RCL1: variants seen among roughly 807,000 people sequenced by gnomAD.
RCL1 encodes RNA terminal phosphate cyclase like 1, also known as RNA 3'-terminal phosphate cyclase-like protein.
Under a neutral mutation model 42.4 loss-of-function variants are expected in RCL1, and 24 were observed. That is an observed-to-expected ratio of 0.57 (90% confidence interval 0.41 to 0.80). The LOEUF (loss-of-function observed/expected upper bound fraction) is 0.80, where lower values mean the gene tolerates loss of function less well. RCL1 is among the 30% of genes least tolerant of loss of function. RCL1 has a pLI of 0.00. For synonymous variants in RCL1, 228 were observed against 177.3 expected (o/e 1.29, Z -2.27); for missense variants, 578 against 467.9 (o/e 1.24, Z -2.17).
At chr9:4,805,624 T>C (rs958193945) in intron 1 of RCL1, among the ~76,000 whole-genome samples, 3 of 152,194 alleles carry the variant, frequency 2.0e-5, no homozygotes, top group African/African-American at 7.2e-5. Flanking sequence ...AGTTCCCTCA[T>C]GCTATGGGCA....
intron 1 of RCL1, among the ~76,000 whole-genome samples, chr9:4,810,344 C>T (rs1164422909): frequency 1.3e-5 from 2 of 152,074 alleles, no homozygotes; most frequent in Non-Finnish European, 2.9e-5. Flanking sequence ...CACACCATTC[C>T]CTCCCACTGC....
At chr9:4,853,777 C>G (rs539599092) in intron 8 of RCL1, among the ~76,000 whole-genome samples, 2 of 148,850 alleles carry the variant, frequency 1.3e-5, no homozygotes, top group Admixed American at 6.8e-5. Flanking sequence ...AGTTGGAAAT[C>G]TAAAATAAAC....
chr9:4,829,381 C>G (rs1048206435), intron 3 of RCL1, among the ~76,000 whole-genome samples: 1 of 152,162 alleles, frequency 6.6e-6, no homozygotes, highest in African/African-American at 2.4e-5. Context: ...TTCATGATTT[C>G]TGTCCTGGTT....
chr9:4,797,874 C>A (rs1842938583), intron 1 of RCL1, among the ~76,000 whole-genome samples: 1 of 152,126 alleles, frequency 6.6e-6, no homozygotes, highest in African/African-American at 2.4e-5. Context: ...GGAATCTGAA[C>A]CCCAAAGAAG....
chr9:4,860,002 A>G, intron 8 of RCL1, 123 bp from the exon 9 acceptor site: 2 of 604,494 alleles, frequency 3.3e-6, no homozygotes, highest in Non-Finnish European at 2.7e-6. Context: ...AGATTCGATG[A>G]GAAGGTCTTA....
In RCL1 at chr9:4,806,587, T is replaced by TACACACACAC. The variant is rs71326137; in HGVS notation, c.136+13398_136+13407dup. On this transcript the variant is annotated intron_variant, in intron 1 of 8. Coordinates refer to ENST00000381750, the MANE Select transcript of RCL1 (RefSeq NM_005772.5). ...TTCCTGGAATAGATTCTACTTGATC[T>TACACACACAC]ACACACACACACACACACACACACA... Among the ~76,000 whole-genome samples the TACACACACAC allele has an allele frequency of 2.4e-3, 326 of 135,758 alleles. 1 individual carries two copies. Among genetic ancestry groups the TACACACACAC allele is most frequent in the African/African-American group, 8.2e-3 (290 of 35,386 alleles). 89.1% of individuals were successfully genotyped at this position (135,758 alleles called of 152,430 possible).
At chr9:4,806,633 C>CAGAT (rs869274587) in intron 1 of RCL1, among the ~76,000 whole-genome samples, 1 of 140,970 alleles carries the variant, frequency 7.1e-6, no homozygotes, top group African/African-American at 2.6e-5. Flanking sequence ...CACACACACA[C>CAGAT]ATATACTTAC....
intron 3 of RCL1, among the ~76,000 whole-genome samples, chr9:4,832,805 C>CAAAAA (rs34915834): frequency 2.0e-4 from 8 of 39,284 alleles, no homozygotes; most frequent in African/African-American, 3.0e-4. Context: ...AGATTCCACT[C>CAAAAA]AAAAAAAAAA....
At chr9:4,839,112 G>A (rs1817231123) in intron 5 of RCL1, among the ~76,000 whole-genome samples, 1 of 152,178 alleles carries the variant, frequency 6.6e-6, no homozygotes. Context: ...GAACTTGGGG[G>A]CTGTTAGCCA....
intron 2 of RCL1, among the ~76,000 whole-genome samples, chr9:4,825,037 C>T (rs1205480758): frequency 6.6e-6 from 1 of 151,926 alleles, no homozygotes; most frequent in African/African-American, 2.4e-5. Flanking sequence ...TTAGCCTCCC[C>T]AGTAGCTGGG....
chr9:4,831,103 G>T (rs992267329), intron 3 of RCL1, among the ~76,000 whole-genome samples: 1 of 152,194 alleles, frequency 6.6e-6, no homozygotes, highest in African/African-American at 2.4e-5. Context: ...GAGAGGCAGA[G>T]TAGGTCCCAA....
intron 8 of RCL1, among the ~76,000 whole-genome samples, chr9:4,856,137 T>G (rs1230383520): frequency 6.6e-6 from 1 of 152,210 alleles, no homozygotes; most frequent in Non-Finnish European, 1.5e-5. Context: ...TTTTCCAGGT[T>G]GCCGCCAGCT....
chr9:4,795,834 G>A (rs997038236), intron 1 of RCL1, among the ~76,000 whole-genome samples: 1 of 152,172 alleles, frequency 6.6e-6, no homozygotes, highest in Non-Finnish European at 1.5e-5. Context: ...GCTTTGTATG[G>A]GGGTGAGTGT....
At chr9:4,839,969 G>C (rs1347705489) in intron 5 of RCL1, 18 of 926,536 alleles carry the variant, frequency 1.9e-5, no homozygotes, top group Non-Finnish European at 2.3e-5. Flanking sequence ...GAGGAATTTG[G>C]TCAGTTTGGA....
rs540894605 is a variant in RCL1, at chr9:4,826,750, C to G, written c.209-108C>G. On this transcript the variant is annotated intron_variant, in intron 2 of 8. Coordinates refer to ENST00000381750, the MANE Select transcript of RCL1 (RefSeq NM_005772.5). ...TTAGCAAGATGGCATTTCGAGCACT[C>G]TTGGATGCCCTTGTCAGGCTTTCCC... 22 of 967,112 alleles carry G rather than the reference C, an allele frequency of 2.3e-5. No individual in the cohort carries two copies. The African/African-American group carries it at 3.3e-4, about 14-fold the overall frequency. The allele number at this position is 967,112 out of a possible 1,614,324, so 59.9% of individuals were successfully genotyped here.
chr9:4,810,101 T>A (rs1297583333), intron 1 of RCL1, among the ~76,000 whole-genome samples: 1 of 152,238 alleles, frequency 6.6e-6, no homozygotes, highest in East Asian at 1.9e-4. Context: ...GTGCTAAGAT[T>A]ACAGGCCTGA....
chr9:4,820,649 G>A (rs998989646), intron 1 of RCL1, among the ~76,000 whole-genome samples: 3 of 152,150 alleles, frequency 2.0e-5, no homozygotes, highest in African/African-American at 7.2e-5. Context: ...GTAGGTGCTT[G>A]TTCCTCTATC....
chr9:4,850,096 T>A (rs557780828), intron 8 of RCL1, among the ~76,000 whole-genome samples: 1 of 152,344 alleles, frequency 6.6e-6, no homozygotes, highest in East Asian at 1.9e-4. Flanking sequence ...AAGAACAGTG[T>A]CAGAAGACTT....
At chr9:4,801,502 C>G (rs7034054) in intron 1 of RCL1, among the ~76,000 whole-genome samples, 4,501 of 152,186 alleles carry the variant, frequency 0.03, 199 homozygotes, top group African/African-American at 0.099. Flanking sequence ...TTTGAGACTA[C>G]TTTATATATG....
Sources: gnomAD v4.1 joint callset for allele counts (sites outside exome capture counted in the v4.1 genomes callset) on GRCh38, gnomAD v4.1.1 for gene constraint, MANE v1.5 for transcripts, NCBI Gene and HGNC (gene_info 2026-07-23, HGNC 2026-07-21) for gene names.